PCDHGA1: variants seen among roughly 807,000 people sequenced by gnomAD.
PCDHGA1 encodes the protein protocadherin gamma-A1.
In PCDHGA1, 32 loss-of-function variants were observed where a neutral mutation model predicts 58.0. The ratio of observed to expected loss-of-function variants is 0.55; its 90% CI spans 0.42 to 0.74. The LOEUF is 0.74. Among genes scored for constraint, PCDHGA1 ranks in the 30% least tolerant of loss-of-function variants. PCDHGA1 has a pLI of 0.00. For synonymous variants in PCDHGA1, 498 were observed against 501.1 expected, an observed-to-expected ratio of 0.99 and a Z score of 0.08; for missense variants, 1,205 against 1,182.3, an observed-to-expected ratio of 1.02 and a Z score of -0.28.
Position 141,332,182 on chromosome 5 carries a change from C to A in PCDHGA1, c.1498C>A (p.Pro500Thr). 1.2e-6 allele frequency: 2 copies of A among 1,614,212 alleles called. No individual in the cohort carries two copies. Among genetic ancestry groups the A allele is most frequent in the Non-Finnish European group, 1.7e-6 (2 of 1,180,042 alleles). ...SLIEDTIQGA[P>T]LSAYLSINSD... ...AATAGAGGACACTATCCAGGGGGCA[C>A]CCCTATCTGCCTACCTCTCCATCAA... The change falls in exon 1 of 4, where the codon CCC becomes ACC. Residue 500 changes from proline to threonine, a missense_variant. Transcript: ENST00000517417. The surrounding 1 kb of genome is among the most constrained non-coding windows in gnomAD (Gnocchi z 4.6).
intron 2 of PCDHGA1, among the ~76,000 whole-genome samples, chr5:141,498,114 G>C (rs1336064850): frequency 6.6e-6 from 1 of 152,196 alleles, no homozygotes; most frequent in East Asian, 1.9e-4. Flanking sequence ...CGTATAATAG[G>C]GATTTGATTT....
intron 1 of PCDHGA1, chr5:141,393,160 T>A: frequency 6.2e-7 from 1 of 1,613,204 alleles, no homozygotes; most frequent in Non-Finnish European, 8.5e-7. Context: ...AAAGGAAAAC[T>A]CTTTGGGGTA....
intron 1 of PCDHGA1, chr5:141,345,771 C>A: frequency 6.2e-7 from 1 of 1,614,170 alleles, no homozygotes; most frequent in African/African-American, 1.3e-5. Flanking sequence ...GCTGGCGCCT[C>A]GCTCCGCAGA....
In PCDHGA1 at chr5:141,375,919, C is replaced by A. The variant is rs746123042; in HGVS notation, c.2421+42814C>A. Reference sequence around the variant, plus strand: ...TGTCCTACCGCCTGCTCAAGGCCAGCGAGCCAGGACTTTTCTCAGTGGGCC... The same window carrying A: ...TGTCCTACCGCCTGCTCAAGGCCAGAGAGCCAGGACTTTTCTCAGTGGGCC... On this transcript the variant is annotated intron_variant, in intron 1 of 3. Coordinates refer to ENST00000517417, the MANE Select transcript of PCDHGA1 (RefSeq NM_018912.3). 2.5e-5 allele frequency: 40 copies of A among 1,613,612 alleles called. No homozygotes were observed. In the Middle Eastern group the frequency reaches 8.4e-4, roughly 34 times the overall value.
chr5:141,511,345 T>TC lies in PCDHGA1; in HGVS notation c.*179dup, dbSNP rs535135679. The TC allele has an allele frequency of 6.6e-4, 924 of 1,410,366 alleles. 3 individuals are homozygous for TC. The African/African-American group carries it at 0.011, about 17-fold the overall frequency. 87.4% of individuals were successfully genotyped at this position (1,410,366 alleles called of 1,614,324 possible). ...AAGTGCCCAGTCAGCACCTACCCCT[T>TC]CCCCCCCAGGGGGTTGAATATGCAA... On this transcript the variant is annotated 3_prime_UTR_variant, in exon 4 of 4. Coordinates refer to ENST00000517417, the MANE Select transcript of PCDHGA1 (RefSeq NM_018912.3).
chr5:141,477,275 G>C lies in PCDHGA1; in HGVS notation c.2422-17532G>C, dbSNP rs1241603826. On this transcript the variant is annotated intron_variant, in intron 1 of 3. Transcript: ENST00000517417. This position sits in a 1 kb window ranked among gnomAD's most constrained non-coding sequence, Gnocchi z 4.9. ...CCTGGATGCTGGCGAGAACGGGCTG[G>C]TGACCTGCGAAGTTCCACCGGGTCT... The C allele has an allele frequency of 2.5e-6, 4 of 1,614,198 alleles. No individual in the cohort carries two copies. The South Asian group carries it at 4.4e-5, about 18-fold the overall frequency.
At chr5:141,420,672 G>T (rs1478670282) in intron 1 of PCDHGA1, among the ~76,000 whole-genome samples, 1 of 152,296 alleles carries the variant, frequency 6.6e-6, no homozygotes, top group African/African-American at 2.4e-5. Flanking sequence ...CCTACCTGAT[G>T]ATTTTATCGG....
intron 3 of PCDHGA1, among the ~76,000 whole-genome samples, chr5:141,510,329 A>T (rs1433056614): frequency 2.7e-5 from 4 of 150,230 alleles, no homozygotes; most frequent in Admixed American, 2.7e-4. Flanking sequence ...AGCACTCTTC[A>T]CCCCCACCCC....
chr5:141,357,980 A>C (rs979777324), intron 1 of PCDHGA1, among the ~76,000 whole-genome samples: 2 of 152,164 alleles, frequency 1.3e-5, no homozygotes, highest in Non-Finnish European at 2.9e-5. Context: ...GCCTGAGCTC[A>C]GGAGTTCGAG....
intron 1 of PCDHGA1, chr5:141,413,447 C>T: frequency 2.5e-6 from 4 of 1,614,088 alleles, no homozygotes; most frequent in Non-Finnish European, 3.4e-6. Flanking sequence ...TTGATCACCG[C>T]GGGCAGGATA....
At chr5:141,393,592 G>A (rs200863279) in intron 1 of PCDHGA1, 127 of 1,613,790 alleles carry the variant, frequency 7.9e-5, no homozygotes, top group Non-Finnish European at 1.0e-4. Context: ...CCAGGCACGC[G>A]GCTGCTTACT....
intron 1 of PCDHGA1, among the ~76,000 whole-genome samples, chr5:141,406,925 GTAT>G (rs2094866637): frequency 6.6e-6 from 1 of 152,150 alleles, no homozygotes; most frequent in South Asian, 2.1e-4. Flanking sequence ...AGAGAATAAT[GTAT>G]TATTTAATGT....
rs115568443 is a variant in PCDHGA1 at position 141,439,423 on chromosome 5, A to G, written c.2422-55384A>G. On this transcript the variant is annotated intron_variant, in intron 1 of 3. Coordinates refer to ENST00000517417, the MANE Select transcript of PCDHGA1 (RefSeq NM_018912.3). ...TGTGCTAACATCACTGAGGTTATAA[A>G]TTCCCAGGAATATTTTATTGCGGGA... 1.0e-2 allele frequency among the ~76,000 whole-genome samples: 1,522 copies of G among 152,306 alleles called. 34 individuals carry two copies. Among genetic ancestry groups the G allele is most frequent in the African/African-American group, 0.034 (1,425 of 41,558 alleles).
intron 1 of PCDHGA1, chr5:141,378,539 A>G (rs891154115): frequency 5.3e-5 from 8 of 152,296 alleles, no homozygotes; most frequent in African/African-American, 1.9e-4. Flanking sequence ...TAATAATGAT[A>G]ATTAATAAAT....
At chr5:141,480,295 G>A (rs1190133739) in intron 1 of PCDHGA1, among the ~76,000 whole-genome samples, 2 of 133,330 alleles carry the variant, frequency 1.5e-5, no homozygotes, top group Admixed American at 7.4e-5. Context: ...TGCACCTGTG[G>A]TACCAGCTAC....
intron 1 of PCDHGA1, among the ~76,000 whole-genome samples, chr5:141,484,821 G>A (rs1367529999): frequency 6.6e-6 from 1 of 152,122 alleles, no homozygotes; most frequent in Admixed American, 6.5e-5. Context: ...CGTTGAGCGG[G>A]AGGAAGGCGA....
Position 141,330,892 on chromosome 5 carries a change from G to T in PCDHGA1, c.208G>T (p.Gly70Cys). Residue 70 changes from glycine (G) to cysteine (C), a missense_variant, in exon 1 of 4, where the codon GGT becomes TGT. Gly to Cys is a radical substitution (Grantham distance 159). Coordinates refer to ENST00000517417, the MANE Select transcript of PCDHGA1 (RefSeq NM_018912.3). Reference protein sequence around the residue: ...ADGGVRIVSRGRMPLFALNPR... With the variant: ...ADGGVRIVSRCRMPLFALNPR... ...TGGCGGAGTCCGCATCGTCTCCAGA[G>T]GTAGGATGCCGCTTTTCGCTCTGAA... is the stretch of plus-strand genomic sequence containing the variant. The T allele has an allele frequency of 1.2e-6, 2 of 1,614,238 alleles. No individual in the cohort carries two copies. Among genetic ancestry groups the T allele is most frequent in the Middle Eastern group, 1.6e-4 (1 of 6,062 alleles).
intron 1 of PCDHGA1, chr5:141,384,717 C>A (rs575459465): frequency 6.8e-6 from 11 of 1,614,166 alleles, no homozygotes; most frequent in Non-Finnish European, 9.3e-6. Context: ...GGCTGTCATA[C>A]CTCCTGCTTA....
intron 1 of PCDHGA1, chr5:141,372,054 G>A (rs377450479): frequency 3.1e-6 from 5 of 1,613,396 alleles, no homozygotes; most frequent in Middle Eastern, 1.7e-4. Context: ...GTTGGTGGAC[G>A]ACCGCAACGA....
Sources: gnomAD v4.1 joint callset for allele counts (sites outside exome capture counted in the v4.1 genomes callset) on GRCh38, gnomAD v4.1.1 for gene constraint, Gnocchi (gnomAD v3.1) non-coding constraint, MANE v1.5 for transcripts, NCBI Gene and HGNC (gene_info 2026-07-23, HGNC 2026-07-21) for gene names.